ALPL: variants seen among roughly 807,000 people sequenced by gnomAD.
The protein encoded by ALPL is alkaline phosphatase, tissue-nonspecific isozyme.
Under a neutral mutation model 51.3 loss-of-function variants are expected in ALPL, and 42 were observed. The ratio of observed to expected loss-of-function variants is 0.82; its 90% CI spans 0.64 to 1.06. The LOEUF (loss-of-function observed/expected upper bound fraction) is 1.06. Among genes scored for constraint, ALPL ranks in the 50% least tolerant of loss-of-function variants. The probability of loss-of-function intolerance (pLI) is 0.00; values close to 1 mark genes in which losing one functional copy is unlikely to be tolerated. For missense variants in ALPL, 589 were observed against 709.4 expected (o/e 0.83, Z 1.93); for synonymous variants, 279 against 296.4 (o/e 0.94, Z 0.60).
At chr1:21,541,767 A>C (rs913935562) in intron 1 of ALPL, among the ~76,000 whole-genome samples, 2 of 152,172 alleles carry the variant, frequency 1.3e-5, no homozygotes, top group African/African-American at 4.8e-5. Context: ...GGGACATTCT[A>C]GTCTGGGAAG....
intron 1 of ALPL, among the ~76,000 whole-genome samples, chr1:21,546,931 C>G (rs1269125314): frequency 6.6e-6 from 1 of 152,240 alleles, no homozygotes; most frequent in Non-Finnish European, 1.5e-5. Flanking sequence ...GCTGGAACAG[C>G]TGCTGCTGTT....
intron 5 of ALPL, among the ~76,000 whole-genome samples, chr1:21,563,599 C>T (rs976610540): frequency 6.6e-6 from 1 of 152,150 alleles, no homozygotes; most frequent in Non-Finnish European, 1.5e-5. Flanking sequence ...CAGGGCTAGC[C>T]TGTGGGGTGC....
intron 9 of ALPL, chr1:21,574,716 C>T (rs902150715): frequency 1.2e-4 from 18 of 152,420 alleles, no homozygotes; most frequent in African/African-American, 3.6e-4. Context: ...GCCTCTGACG[C>T]CAAGGAGCCA....
chr1:21,543,786 CG>C (rs1244350671), intron 1 of ALPL, among the ~76,000 whole-genome samples: 1 of 152,170 alleles, frequency 6.6e-6, no homozygotes, highest in African/African-American at 2.4e-5. Context: ...TGCTCTAGAC[CG>C]GGGGCTCCCT....
chr1:21,526,436 G>T (rs557199851), intron 1 of ALPL, among the ~76,000 whole-genome samples: 1 of 152,036 alleles, frequency 6.6e-6, no homozygotes, highest in African/African-American at 2.4e-5. Flanking sequence ...TACCACGCCC[G>T]GCCTACTTTA....
intron 1 of ALPL, among the ~76,000 whole-genome samples, chr1:21,528,617 TG>T (rs1193429803): frequency 3.3e-5 from 5 of 151,920 alleles, no homozygotes; most frequent in African/African-American, 1.2e-4. Flanking sequence ...CCCAAAATGC[TG>T]GGATTACAGA....
intron 10 of ALPL, among the ~76,000 whole-genome samples, chr1:21,576,279 A>ATGGG (rs1644735051): frequency 1.3e-5 from 2 of 148,232 alleles, no homozygotes; most frequent in African/African-American, 5.0e-5. Context: ...GGGTGGATGG[A>ATGGG]TGGATGGGTG....
At chr1:21,548,051 C>G (rs1447741032) in intron 1 of ALPL, among the ~76,000 whole-genome samples, 1 of 152,238 alleles carries the variant, frequency 6.6e-6, no homozygotes, top group Non-Finnish European at 1.5e-5. Flanking sequence ...GCCGGGGCTT[C>G]TGCACTGGCC....
At chr1:21,550,997 A>G (rs1644313530) in intron 1 of ALPL, among the ~76,000 whole-genome samples, 1 of 152,110 alleles carries the variant, frequency 6.6e-6, no homozygotes, top group African/African-American at 2.4e-5. Flanking sequence ...CTGGAGAGAA[A>G]CGGGTCCCAG....
In ALPL at chr1:21,575,862, C is replaced by G; in HGVS notation, c.1127C>G (p.Thr376Ser). The G allele has an allele frequency of 6.2e-7, 1 of 1,614,242 alleles. No homozygotes were observed. Among genetic ancestry groups the G allele is most frequent in the Non-Finnish European group, 8.5e-7 (1 of 1,180,054 alleles). Residue 376 changes from threonine to serine, a missense_variant, in exon 10 of 12, where the codon ACT becomes AGT. By Grantham distance (58) the Thr-to-Ser change is moderately conservative (BLOSUM62 1). Coordinates refer to ENST00000374840, the MANE Select transcript of ALPL (RefSeq NM_000478.6). The stretch of plus-strand genomic sequence containing the variant: ...TCGGAAGACACTCTGACCGTGGTCA[C>G]TGCGGACCATTCCCACGTCTTCACA... ...TSSEDTLTVV[T>S]ADHSHVFTFG... is the part of the protein sequence containing the mutation.
At chr1:21,555,105 G>A (rs1421511750) in intron 2 of ALPL, among the ~76,000 whole-genome samples, 2 of 151,248 alleles carry the variant, frequency 1.3e-5, no homozygotes, top group African/African-American at 2.4e-5. Flanking sequence ...ATAAGATAGG[G>A]GTAGGTAAAG....
intron 5 of ALPL, 99 bp from the exon 6 acceptor site, chr1:21,563,942 C>T (rs1475633913): frequency 6.3e-6 from 9 of 1,438,878 alleles, no homozygotes; most frequent in Non-Finnish European, 6.5e-6. Context: ...AGAACTGAAG[C>T]GGGGGCCTGT....
chr1:21,514,411 C>CA (rs1303729735), intron 1 of ALPL, among the ~76,000 whole-genome samples: 5 of 152,240 alleles, frequency 3.3e-5, no homozygotes, highest in African/African-American at 1.2e-4. Context: ...TGCATCAGTG[C>CA]ATAACCACTT....
At chr1:21,556,896 G>A (rs367706970) in intron 2 of ALPL, among the ~76,000 whole-genome samples, 42 of 152,216 alleles carry the variant, frequency 2.8e-4, no homozygotes, top group Non-Finnish European at 4.3e-4. Context: ...CTGAGATTGC[G>A]CCACTGTACT....
At chr1:21,563,888 C>CA (rs1251209647) in intron 5 of ALPL, among the ~76,000 whole-genome samples, 153 bp from the exon 6 acceptor site, 1 of 151,838 alleles carries the variant, frequency 6.6e-6, no homozygotes. Context: ...CACTGCCAGA[C>CA]ACCTGCTGCT....
chr1:21,531,334 G>A (rs1185678489), intron 1 of ALPL, among the ~76,000 whole-genome samples: 1 of 152,132 alleles, frequency 6.6e-6, no homozygotes, highest in East Asian at 1.9e-4. Flanking sequence ...GCTCAAGCGA[G>A]CCTCCTGCCT....
chr1:21,574,249 G>A (rs1644694655), intron 9 of ALPL: 2 of 976,148 alleles, frequency 2.0e-6, no homozygotes, highest in South Asian at 9.5e-5. Context: ...TCTGCTGGCG[G>A]TGTGACCTCT....
intron 1 of ALPL, among the ~76,000 whole-genome samples, chr1:21,528,799 G>C (rs535287071): frequency 6.6e-6 from 1 of 151,732 alleles, no homozygotes; most frequent in Middle Eastern, 3.4e-3. Flanking sequence ...GCCGGGCGTC[G>C]TGGCTCATAC....
intron 1 of ALPL, among the ~76,000 whole-genome samples, chr1:21,516,981 C>T (rs1007150950): frequency 1.3e-5 from 2 of 152,124 alleles, no homozygotes; most frequent in Non-Finnish European, 2.9e-5. Context: ...CCTGACTTAC[C>T]CTAAATGTGT....
Sources: gnomAD v4.1 joint callset for allele counts (sites outside exome capture counted in the v4.1 genomes callset) on GRCh38, gnomAD v4.1.1 for gene constraint, MANE v1.5 for transcripts, NCBI Gene and HGNC (gene_info 2026-07-23, HGNC 2026-07-21) for gene names.